MAD1L1: variants seen among roughly 807,000 people sequenced by gnomAD.
MAD1L1 encodes the protein mitotic arrest deficient 1 like 1.
MAD1L1 carries 95 observed loss-of-function variants against 96.9 expected under a neutral mutation model. The observed-to-expected ratio is 0.98, with a 90% CI of 0.83 to 1.16. MAD1L1 has a LOEUF of 1.16. Among genes scored for constraint, MAD1L1 ranks in the 50% most tolerant of loss-of-function variants. The pLI, the probability that MAD1L1 is intolerant of heterozygous loss-of-function variation, is 0.00. For synonymous variants in MAD1L1, 473 were observed against 396.6 expected (o/e 1.19, Z -2.29); for missense variants, 1,007 against 954.4 (o/e 1.06, Z -0.73).
chr7:2,226,415 G>A (rs778916990), intron 3 of MAD1L1, among the ~76,000 whole-genome samples: 10 of 151,068 alleles, frequency 6.6e-5, no homozygotes, highest in East Asian at 1.9e-4. Flanking sequence ...AAGTCTGCCT[G>A]CCACACAGGA....
At chr7:1,943,569 G>A (rs1779096772) in intron 16 of MAD1L1, among the ~76,000 whole-genome samples, 1 of 152,194 alleles carries the variant, frequency 6.6e-6, no homozygotes, top group Admixed American at 6.5e-5. Context: ...TCACAGCCAG[G>A]TATCACTTTG....
At chr7:2,137,431 C>T (rs921129939) in intron 11 of MAD1L1, among the ~76,000 whole-genome samples, 13 of 152,178 alleles carry the variant, frequency 8.5e-5, no homozygotes, top group African/African-American at 2.4e-4. Flanking sequence ...AGACACCTTC[C>T]GCTCTCTAAC....
At chr7:2,120,058 G>T (rs189585118) in intron 11 of MAD1L1, among the ~76,000 whole-genome samples, 5 of 152,316 alleles carry the variant, frequency 3.3e-5, no homozygotes, top group Admixed American at 2.6e-4. Context: ...TGGGGACCAG[G>T]TGGCACCTGC....
chr7:2,209,434 C>T (rs1251537833), intron 10 of MAD1L1, among the ~76,000 whole-genome samples: 3 of 152,206 alleles, frequency 2.0e-5, no homozygotes. Context: ...AGCCCACAGG[C>T]CTGAGGGCCC....
chr7:1,914,174 C>A (rs1788222061), intron 17 of MAD1L1, among the ~76,000 whole-genome samples: 1 of 152,216 alleles, frequency 6.6e-6, no homozygotes, highest in South Asian at 2.1e-4. Flanking sequence ...CAGTGCTGGC[C>A]TGGAGGCCTC....
intron 16 of MAD1L1, among the ~76,000 whole-genome samples, chr7:1,956,040 C>T (rs941060091): frequency 6.6e-6 from 1 of 152,018 alleles, no homozygotes; most frequent in African/African-American, 2.4e-5. Flanking sequence ...CATTGGTGAT[C>T]CAAGCAGGGG....
At chr7:2,118,700 A>G (rs975912442) in intron 11 of MAD1L1, among the ~76,000 whole-genome samples, 1 of 152,076 alleles carries the variant, frequency 6.6e-6, no homozygotes, top group African/African-American at 2.4e-5. Context: ...CACTGCCTCC[A>G]TGGCAGGTTC....
intron 12 of MAD1L1, among the ~76,000 whole-genome samples, chr7:2,042,170 C>T (rs986562527): frequency 6.6e-6 from 1 of 150,564 alleles, no homozygotes; most frequent in African/African-American, 2.5e-5. Flanking sequence ...TATGTACACA[C>T]ATACACATGC....
chr7:2,066,722 A>G (rs891161185), intron 12 of MAD1L1, among the ~76,000 whole-genome samples: 1 of 152,214 alleles, frequency 6.6e-6, no homozygotes, highest in African/African-American at 2.4e-5. Context: ...CCCCACAGGG[A>G]TGAAAACCAC....
chr7:1,904,251 T>C (rs1424820855), intron 17 of MAD1L1, among the ~76,000 whole-genome samples: 5 of 148,052 alleles, frequency 3.4e-5, no homozygotes, highest in Non-Finnish European at 5.9e-5. Context: ...GAACTCATGA[T>C]TGATGAAGCA....
At chr7:2,123,259 C>T (rs1202194113) in intron 11 of MAD1L1, among the ~76,000 whole-genome samples, 4 of 142,934 alleles carry the variant, frequency 2.8e-5, no homozygotes, top group Non-Finnish European at 6.0e-5. Context: ...GAGCCGAGAT[C>T]GGGCCACTGC....
intron 14 of MAD1L1, among the ~76,000 whole-genome samples, chr7:1,985,083 G>A (rs1781078223): frequency 6.6e-6 from 1 of 152,170 alleles, no homozygotes; most frequent in Non-Finnish European, 1.5e-5. Flanking sequence ...TTCATTCCAT[G>A]TGTCCACTGG....
At chr7:1,887,807 C>CTG (rs371742782) in intron 18 of MAD1L1, among the ~76,000 whole-genome samples, 2,539 of 80,996 alleles carry the variant, frequency 0.031, 92 homozygotes, top group African/African-American at 0.09. Flanking sequence ...ATGTGGCTGC[C>CTG]TGTGTGTGTG....
intron 18 of MAD1L1, chr7:1,847,807 T>G (rs1252415650): frequency 2.4e-6 from 1 of 418,592 alleles, no homozygotes; most frequent in East Asian, 7.2e-5. Flanking sequence ...CTAGCACCCC[T>G]TGGCCGGCTC....
chr7:2,052,534 G>T (rs552194592), intron 12 of MAD1L1, among the ~76,000 whole-genome samples: 33 of 152,222 alleles, frequency 2.2e-4, no homozygotes, highest in Admixed American at 8.5e-4. Flanking sequence ...CGGTGCCCAG[G>T]GAGGGCACCT....
At chr7:2,022,415 G>A (rs1374254350) in intron 12 of MAD1L1, among the ~76,000 whole-genome samples, 6 of 152,182 alleles carry the variant, frequency 3.9e-5, no homozygotes, top group Non-Finnish European at 5.9e-5. Flanking sequence ...TGGATCACCC[G>A]AGGTCAGGAG....
chr7:2,064,269 G>T (rs1044996314), intron 12 of MAD1L1, among the ~76,000 whole-genome samples: 1 of 152,148 alleles, frequency 6.6e-6, no homozygotes, highest in African/African-American at 2.4e-5. Flanking sequence ...CCACCAGAAA[G>T]GGCATGGGAG....
At chr7:2,118,388 T>G (rs1277523181) in intron 11 of MAD1L1, among the ~76,000 whole-genome samples, 1 of 152,242 alleles carries the variant, frequency 6.6e-6, no homozygotes, top group Non-Finnish European at 1.5e-5. Flanking sequence ...GACCTCCCCC[T>G]GTGCTGCCAT....
intron 16 of MAD1L1, among the ~76,000 whole-genome samples, chr7:1,944,974 A>C (rs567435466): frequency 6.6e-6 from 1 of 152,248 alleles, no homozygotes; most frequent in East Asian, 1.9e-4. Flanking sequence ...AGTGGCCACC[A>C]AGGGAGCCGG....
Sources: allele counts gnomAD v4.1 joint callset (sites outside exome capture counted in the v4.1 genomes callset), GRCh38; gene constraint gnomAD v4.1.1; transcripts MANE v1.5; gene names NCBI Gene and HGNC (gene_info 2026-07-23, HGNC 2026-07-21).